The following GRK3 variants were observed in gnomAD, a reference collection of about 807,000 sequenced individuals.
GRK3 encodes the protein adrenergic, beta, receptor kinase 2.
A neutral mutation model predicts 95.7 loss-of-function variants in GRK3; 54 were observed. The ratio of observed to expected loss-of-function variants is 0.56; its 90% CI spans 0.45 to 0.71. The LOEUF is 0.71. GRK3 is among the 30% of genes least tolerant of loss of function. The pLI, the probability that GRK3 is intolerant of heterozygous loss-of-function variation, is 0.00. For synonymous variants in GRK3, 281 were observed against 290.8 expected, an observed-to-expected ratio of 0.97 and a Z score of 0.34; for missense variants, 649 against 851.2, an observed-to-expected ratio of 0.76 and a Z score of 2.96.
At chr22:25,658,420 C>T (rs1219786816) in intron 3 of GRK3, among the ~76,000 whole-genome samples, 1 of 152,194 alleles carries the variant, frequency 6.6e-6, no homozygotes, top group Non-Finnish European at 1.5e-5. Context: ...TTGTTCAGTT[C>T]TTTAAGGCTC....
chr22:25,568,293 T>G (rs1601440171), intron 1 of GRK3, among the ~76,000 whole-genome samples: 1 of 152,184 alleles, frequency 6.6e-6, no homozygotes, highest in African/African-American at 2.4e-5. Flanking sequence ...TACTGTAGGC[T>G]GTATTACTCT....
intron 2 of GRK3, among the ~76,000 whole-genome samples, chr22:25,620,976 C>T (rs1033867450): frequency 5.3e-5 from 8 of 152,190 alleles, no homozygotes; most frequent in African/African-American, 1.9e-4. Flanking sequence ...CAGCATTTTC[C>T]TTGAGCCTGT....
chr22:25,667,722 T>C lies in GRK3; in HGVS notation c.442-17T>C. On this transcript the variant is annotated splice_polypyrimidine_tract_variant and intron_variant, in intron 5 of 20. Coordinates refer to ENST00000324198, the MANE Select transcript of GRK3 (RefSeq NM_005160.4). ...TCCGATTCATTCACCGTGGAATTTC[T>C]TTTCCATCTCTTCCAGCCATACATA... is the stretch of plus-strand genomic sequence containing the variant. The C allele has an allele frequency of 6.3e-7, 1 of 1,594,220 alleles. No homozygotes were observed. Among genetic ancestry groups the C allele is most frequent in the Non-Finnish European group, 8.6e-7 (1 of 1,165,164 alleles).
intron 12 of GRK3, among the ~76,000 whole-genome samples, chr22:25,693,638 C>T (rs1381177131): frequency 1.3e-5 from 2 of 152,138 alleles, no homozygotes; most frequent in Non-Finnish European, 2.9e-5. Context: ...CCCATTTTCA[C>T]TGTTGGATAA....
chr22:25,670,102 T>C (rs190111666), intron 6 of GRK3, among the ~76,000 whole-genome samples: 78 of 152,380 alleles, frequency 5.1e-4, no homozygotes, highest in South Asian at 1.0e-3. Flanking sequence ...TTTAGATTCA[T>C]TGAAAAAAAG....
In GRK3 at chr22:25,704,016, A is replaced by T. The variant is rs28510679; in HGVS notation, c.1228-93A>T. 8.7e-5 allele frequency: 78 copies of T among 894,842 alleles called. No individual in the cohort carries two copies. The African/African-American group carries it at 1.3e-3, about 14-fold the overall frequency. The allele number at this position is 894,842 out of a possible 1,614,324, so 55.4% of individuals were successfully genotyped here. Reference sequence around the variant, plus strand: ...TAATGAGGCTGCAATTTTTAATACTATGCTTATCCCAGTAATAGTCTTTAA... The same window carrying T: ...TAATGAGGCTGCAATTTTTAATACTTTGCTTATCCCAGTAATAGTCTTTAA... On this transcript the variant is annotated intron_variant, in intron 14 of 20. Transcript: ENST00000324198.
chr22:25,619,052 T>C (rs1256910375), intron 2 of GRK3, among the ~76,000 whole-genome samples: 1 of 152,236 alleles, frequency 6.6e-6, no homozygotes, highest in Non-Finnish European at 1.5e-5. Flanking sequence ...TATAATTTCA[T>C]TTTTGAAATA....
At chr22:25,647,222 C>G (rs1175996478) in intron 3 of GRK3, 1 of 328,800 alleles carries the variant, frequency 3.0e-6, no homozygotes, top group East Asian at 6.8e-5. Context: ...GCTGCAGCAG[C>G]AGCGACTCAT....
rs548118803 is a variant in GRK3 at position 25,639,764 on chromosome 22, C to T, written c.191-4828C>T. On this transcript the variant is annotated intron_variant, in intron 2 of 20. Transcript: ENST00000324198. ...TACAAATTATTCTGGGAAGAATTAA[C>T]ATCTAAGCAATACTAAATCTTCCAG... Among the ~76,000 whole-genome samples, 39 of 152,276 alleles carry T rather than the reference C, an allele frequency of 2.6e-4. No individual in the cohort carries two copies. In the South Asian group the frequency reaches 7.0e-3, roughly 28 times the overall value.
At position 25,727,502 on chromosome 22, in the gene GRK3, G is replaced by A. The variant is rs1205808916; in HGVS notation, c.*5052G>A. On this transcript the variant is annotated 3_prime_UTR_variant, in exon 21 of 21. Coordinates refer to ENST00000324198, the MANE Select transcript of GRK3 (RefSeq NM_005160.4). The stretch of plus-strand genomic sequence containing the variant: ...GGGGCTGTCTTTCTGACCTGGCTGT[G>A]TTAGCACTGATTGAGAAACGCAGGC... 6.6e-6 allele frequency: 1 copy of A among 152,234 alleles called. No homozygotes were observed. Among genetic ancestry groups the A allele is most frequent in the African/African-American group, 2.4e-5 (1 of 41,460 alleles). 9.4% of individuals were successfully genotyped at this position (152,234 alleles called of 1,614,324 possible). A position where few individuals can be genotyped will look rare whatever the true frequency, so the allele number is the denominator to read the frequency against.
intron 1 of GRK3, among the ~76,000 whole-genome samples, chr22:25,581,988 A>C (rs140933156): frequency 4.6e-5 from 7 of 152,332 alleles, no homozygotes; most frequent in Admixed American, 3.3e-4. Context: ...TTTAAAATAA[A>C]TAAGTGTTTC....
chr22:25,604,386 T>C lies in GRK3; in HGVS notation c.123T>C (p.Ser41=). The change falls in exon 2 of 21, where the codon AGT becomes AGC. Residue 41 remains serine, a synonymous_variant. Transcript: ENST00000324198. ...RIVLPEPSIR[S]VMQKYLAERN... is the part of the protein sequence containing the mutation. ...CACTCTTCCCTTCCAGTATCCGGAG[T>C]GTGATGCAGAAGTACCTTGCAGAGA... 1 of 1,609,646 alleles carries C rather than the reference T, an allele frequency of 6.2e-7. No homozygotes were observed. Among genetic ancestry groups the C allele is most frequent in the Non-Finnish European group, 8.5e-7 (1 of 1,178,230 alleles).
intron 1 of GRK3, among the ~76,000 whole-genome samples, chr22:25,578,014 T>G (rs565300186): frequency 1.1e-4 from 17 of 152,306 alleles, no homozygotes; most frequent in Non-Finnish European, 1.9e-4. Context: ...CAAAAAAGAA[T>G]AATGTCATTT....
Position 25,726,902 on chromosome 22 carries a change from CA to C in GRK3, c.*4456del. ...AGCTAAAGCATTACCAGGCCATCTC[CA>C]AAACACCCCGTGTGTGTGTGTGTGT... On this transcript the variant is annotated 3_prime_UTR_variant, in exon 21 of 21. Coordinates refer to ENST00000324198, the MANE Select transcript of GRK3 (RefSeq NM_005160.4). 1 of 144,234 alleles carries C rather than the reference CA, an allele frequency of 6.9e-6. No individual in the cohort carries two copies. The highest frequency in any genetic ancestry group is 1.5e-5 in the Non-Finnish European group (1 of 67,818). 8.9% of individuals were successfully genotyped at this position (144,234 alleles called of 1,614,324 possible).
At chr22:25,666,822 A>T (rs192659423) in intron 5 of GRK3, among the ~76,000 whole-genome samples, 2 of 152,336 alleles carry the variant, frequency 1.3e-5, no homozygotes, top group Admixed American at 1.3e-4. Flanking sequence ...GGATCATTCA[A>T]TGAGCTGAGG....
At chr22:25,595,112 G>C (rs1477677358) in intron 1 of GRK3, among the ~76,000 whole-genome samples, 1 of 152,122 alleles carries the variant, frequency 6.6e-6, no homozygotes, top group Non-Finnish European at 1.5e-5. Context: ...AACTGGAACA[G>C]ACAAGGATTC....
chr22:25,611,831 C>CTTT (rs752711382), intron 2 of GRK3, among the ~76,000 whole-genome samples: 21 of 118,778 alleles, frequency 1.8e-4, no homozygotes, highest in African/African-American at 3.8e-4. Flanking sequence ...AGTTTAGTGT[C>CTTT]TTTTTTTTTT....
chr22:25,609,943 G>T (rs1250903276), intron 2 of GRK3, among the ~76,000 whole-genome samples: 1 of 149,034 alleles, frequency 6.7e-6, no homozygotes, highest in Admixed American at 6.7e-5. Flanking sequence ...TGCCTTCCCA[G>T]TTCAATCACA....
chr22:25,715,661 T>C (rs1053225475), intron 18 of GRK3, among the ~76,000 whole-genome samples: 5 of 152,244 alleles, frequency 3.3e-5, no homozygotes, highest in South Asian at 2.1e-4. Context: ...ATTTCATGAA[T>C]TGTGGATAAT....
Sources: gnomAD v4.1 joint callset for allele counts (sites outside exome capture counted in the v4.1 genomes callset) on GRCh38, gnomAD v4.1.1 for gene constraint, MANE v1.5 for transcripts, NCBI Gene and HGNC (gene_info 2026-07-23, HGNC 2026-07-21) for gene names.